Variants in JAZF1 observed in about 807,000 individuals in gnomAD.
JAZF1 encodes the protein JAZF zinc finger 1.
A neutral mutation model predicts 26.4 loss-of-function variants in JAZF1; 8 were observed. That is an observed-to-expected ratio of 0.30 (90% confidence interval 0.18 to 0.55). The LOEUF is 0.55. Among genes scored for constraint, JAZF1 ranks in the 20% least tolerant of loss-of-function variants. The pLI is 0.94. For missense variants in JAZF1, 199 were observed against 322.0 expected (o/e 0.62, Z 2.92); for synonymous variants, 126 against 122.3 (o/e 1.03, Z -0.20).
chr7:28,120,501 C>CTTGTTTTTTTT (rs1782582370), intron 1 of JAZF1, among the ~76,000 whole-genome samples: 1 of 59,000 alleles, frequency 1.7e-5, no homozygotes, highest in Non-Finnish European at 2.8e-5. Flanking sequence ...ACACACAGTT[C>CTTGTTTTTTTT]TTTTTTTTTT....
At chr7:28,147,666 G>A (rs1783048144) in intron 1 of JAZF1, among the ~76,000 whole-genome samples, 1 of 148,122 alleles carries the variant, frequency 6.8e-6, no homozygotes. Flanking sequence ...TGGGCAACAC[G>A]GCAAAACCCC....
chr7:28,004,317 G>T (rs1782663397), intron 1 of JAZF1, among the ~76,000 whole-genome samples: 2 of 151,858 alleles, frequency 1.3e-5, no homozygotes, highest in South Asian at 4.2e-4. Context: ...GTCTCCTGTG[G>T]TTTCAGCCAT....
chr7:28,179,548 C>T (rs1015856685), intron 1 of JAZF1, among the ~76,000 whole-genome samples: 25 of 151,908 alleles, frequency 1.6e-4, no homozygotes, highest in Non-Finnish European at 3.2e-4. Context: ...ATTTAAATGC[C>T]CGGCCATGGG....
intron 1 of JAZF1, among the ~76,000 whole-genome samples, chr7:28,046,649 A>C (rs1470896615): frequency 6.6e-6 from 1 of 152,186 alleles, no homozygotes; most frequent in Non-Finnish European, 1.5e-5. Flanking sequence ...ACAACTTCCC[A>C]AGTGCTGGAC....
chr7:27,865,036 G>A (rs529217289), intron 3 of JAZF1, among the ~76,000 whole-genome samples: 1 of 152,276 alleles, frequency 6.6e-6, no homozygotes, highest in African/African-American at 2.4e-5. Flanking sequence ...ACGAGCATTT[G>A]AAAAGGGACA....
rs899904885 is a variant in JAZF1, at chr7:27,895,354, A to G, written c.251T>C (p.Leu84Pro). The G allele has an allele frequency of 1.2e-6, 2 of 1,606,986 alleles. No individual in the cohort carries two copies. Among genetic ancestry groups the G allele is most frequent in the Admixed American group, 3.4e-5 (2 of 58,944 alleles). Residue 84 changes from leucine (L) to proline (P), a missense_variant, in exon 3 of 5, where the codon CTC becomes CCC. By Grantham distance (98) the Leu-to-Pro change is moderately conservative. This residue lies in a region of JAZF1 where 137 missense variants were observed against 184.8 expected (regional missense o/e 0.74). Coordinates refer to ENST00000283928, the MANE Select transcript of JAZF1 (RefSeq NM_175061.4). ...ESLKKKIQPK[L>P]SLTLSSSVSR... ...CACTGAGCTGGACAGAGTCAGCGAG[A>G]GCTTCGGCTGAATCTTCTTCTTTAG...
chr7:27,851,437 G>T (rs1490975847), intron 3 of JAZF1, among the ~76,000 whole-genome samples: 2 of 152,032 alleles, frequency 1.3e-5, no homozygotes, highest in Non-Finnish European at 2.9e-5. Context: ...TCATTTGAAG[G>T]CAGAAGTTTG....
In JAZF1 at chr7:27,830,829, T is replaced by TGTCA. The variant is rs1412997994; in HGVS notation, c.*1967_*1970dup. ...CCCATCCTTACCTGTTTAGTAATACTGTCACAATGAATAAGTAAATAGAAA... is the reference window on the plus strand; with the variant it reads ...CCCATCCTTACCTGTTTAGTAATACTGTCAGTCACAATGAATAAGTAAATAGAAA... On this transcript the variant is annotated 3_prime_UTR_variant, in exon 5 of 5. Transcript: ENST00000283928. 5 of 207,768 alleles carry TGTCA rather than the reference T, an allele frequency of 2.4e-5. No individual in the cohort carries two copies. Among genetic ancestry groups the TGTCA allele is most frequent in the African/African-American group, 9.1e-5 (4 of 43,992 alleles). 12.9% of individuals were successfully genotyped at this position (207,768 alleles called of 1,614,324 possible).
At chr7:28,161,257 T>TAAAAAAA (rs10630786) in intron 1 of JAZF1, among the ~76,000 whole-genome samples, 66 of 77,004 alleles carry the variant, frequency 8.6e-4, no homozygotes, top group Admixed American at 1.4e-3. Flanking sequence ...TCCTTTAATC[T>TAAAAAAA]AAAAAAAAAA....
chr7:27,957,602 T>C (rs1785120361), intron 2 of JAZF1, among the ~76,000 whole-genome samples: 2 of 152,218 alleles, frequency 1.3e-5, no homozygotes. Flanking sequence ...CCAGTTCCAT[T>C]GATGTAACAT....
At chr7:27,874,847 C>T (rs1783648069) in intron 3 of JAZF1, among the ~76,000 whole-genome samples, 1 of 152,092 alleles carries the variant, frequency 6.6e-6, no homozygotes, top group African/African-American at 2.4e-5. Flanking sequence ...AAGCCTGGCC[C>T]CAGAAAACAG....
intron 1 of JAZF1, among the ~76,000 whole-genome samples, chr7:28,145,675 T>C (rs1174473166): frequency 2.0e-5 from 3 of 152,066 alleles, no homozygotes; most frequent in East Asian, 3.9e-4. Context: ...TGTAGTTTGA[T>C]GGGTTCTGGC....
intron 3 of JAZF1, among the ~76,000 whole-genome samples, chr7:27,869,963 C>T (rs1429548695): frequency 2.0e-5 from 3 of 152,124 alleles, no homozygotes; most frequent in African/African-American, 7.2e-5. Flanking sequence ...GGCTAGAGTG[C>T]AGTGGCACGA....
intron 1 of JAZF1, among the ~76,000 whole-genome samples, chr7:28,035,583 C>A (rs993432795): frequency 2.0e-5 from 3 of 151,736 alleles, no homozygotes; most frequent in African/African-American, 7.3e-5. Context: ...TAATGGATGA[C>A]TGCAGGAGAG....
At chr7:27,856,525 T>C (rs1342450609) in intron 3 of JAZF1, among the ~76,000 whole-genome samples, 3 of 152,224 alleles carry the variant, frequency 2.0e-5, no homozygotes, top group Non-Finnish European at 4.4e-5. Context: ...ATCCTGCTGA[T>C]TGGTCCATTT....
chr7:27,968,176 G>A (rs906170862), intron 2 of JAZF1, among the ~76,000 whole-genome samples: 1 of 152,170 alleles, frequency 6.6e-6, no homozygotes, highest in African/African-American at 2.4e-5. Context: ...CTGAGCAAAA[G>A]AAATCAGACA....
intron 1 of JAZF1, among the ~76,000 whole-genome samples, chr7:28,137,752 T>C (rs1043608953): frequency 2.0e-5 from 3 of 152,164 alleles, no homozygotes; most frequent in Non-Finnish European, 2.9e-5. Flanking sequence ...CCAACTTCGA[T>C]CCTTTGACAC....
At position 27,831,347 on chromosome 7, in the gene JAZF1, AC is replaced by A. The variant is rs1782689730; in HGVS notation, c.*1452del. ...TCATCAAATGGGAACATGGGAAGAA[AC>A]TTTATAAGCAATTTGAGTTTGTTTT... On this transcript the variant is annotated 3_prime_UTR_variant, in exon 5 of 5. Transcript: ENST00000283928. 4.4e-6 allele frequency: 1 copy of A among 227,414 alleles called. No individual in the cohort carries two copies. Among genetic ancestry groups the A allele is most frequent in the Admixed American group, 5.7e-5 (1 of 17,602 alleles). The allele number at this position is 227,414 out of a possible 1,614,324, so 14.1% of individuals were successfully genotyped here. A position where few individuals can be genotyped will look rare whatever the true frequency, so the allele number is the denominator to read the frequency against.
At chr7:27,859,437 C>T (rs957233545) in intron 3 of JAZF1, among the ~76,000 whole-genome samples, 3 of 152,182 alleles carry the variant, frequency 2.0e-5, no homozygotes, top group Non-Finnish European at 2.9e-5. Context: ...ATGTTTACTG[C>T]AGCCCTGTTT....
Sources: allele counts gnomAD v4.1 joint callset (sites outside exome capture counted in the v4.1 genomes callset), GRCh38; gene constraint gnomAD v4.1.1; regional missense constraint gnomAD v4.1.1; transcripts MANE v1.5; gene names NCBI Gene and HGNC (gene_info 2026-07-23, HGNC 2026-07-21).